SLMAP: variants seen among roughly 807,000 people sequenced by gnomAD.
SLMAP encodes sarcolemmal membrane-associated protein.
A neutral mutation model predicts 128.8 loss-of-function variants in SLMAP; 44 were observed. The ratio of observed to expected loss-of-function variants is 0.34; its 90% CI spans 0.27 to 0.44. The LOEUF (loss-of-function observed/expected upper bound fraction) is 0.44. Ranked by LOEUF, SLMAP falls within the 20% of genes least tolerant of loss-of-function variation. The probability of loss-of-function intolerance (pLI) is 1.00; values close to 1 mark genes in which losing one functional copy is unlikely to be tolerated. For synonymous variants in SLMAP, 327 were observed against 348.8 expected, an observed-to-expected ratio of 0.94 and a Z score of 0.70; for missense variants, 787 against 985.3, an observed-to-expected ratio of 0.80 and a Z score of 2.69.
intron 13 of SLMAP, among the ~76,000 whole-genome samples, chr3:57,866,100 G>C (rs2095293853): frequency 6.6e-6 from 1 of 152,108 alleles, no homozygotes; most frequent in South Asian, 2.1e-4. Context: ...TTGATACCCA[G>C]AACTTATTAA....
Position 57,906,310 on chromosome 3 carries a change from CTTTTTTT to C in SLMAP, c.1502-1558_1502-1552del, listed in dbSNP as rs999042505. On this transcript the variant is annotated intron_variant, in intron 17 of 24. Coordinates refer to ENST00000671191, the MANE Select transcript of SLMAP (RefSeq NM_001377540.1). ...GAATCAAATTTTTTTCTTTTTTTTT[CTTTTTTT>C]TTTTTTTTTTTTTTTAGAGACACAG... is the stretch of plus-strand genomic sequence containing the variant. 5.1e-4 allele frequency among the ~76,000 whole-genome samples: 24 copies of C among 47,030 alleles called. 1 individual carries two copies. The highest frequency in any genetic ancestry group is 1.8e-3 in the South Asian group (2 of 1,088). The allele number at this position is 47,030 out of a possible 152,430, so 30.9% of individuals were successfully genotyped here. A position where few individuals can be genotyped will look rare whatever the true frequency, so the allele number is the denominator to read the frequency against.
rs1196163044 is a variant in SLMAP, at chr3:57,917,024, T to C, written c.2257T>C (p.Leu753=). The change falls in exon 22 of 25, where the codon TTA becomes CTA. Residue 753 remains leucine (L), a synonymous_variant. Transcript: ENST00000671191. ...KEQHLRDSAD[L]KTLLSKAENQ... ...ACAGCATCTTCGGGATTCAGCTGAT[T>C]TAAAAACTCTTCTCAGTAAGGCAGA... The C allele has an allele frequency of 2.5e-6, 4 of 1,613,792 alleles. No individual in the cohort carries two copies. The highest frequency in any genetic ancestry group is 2.2e-5 in the South Asian group (2 of 91,076).
intron 2 of SLMAP, among the ~76,000 whole-genome samples, chr3:57,829,866 AACAT>A (rs1294872042): frequency 3.3e-5 from 5 of 152,178 alleles, no homozygotes; most frequent in Non-Finnish European, 5.9e-5. Flanking sequence ...GGATAAATGA[AACAT>A]AAAGTCTGTG....
At chr3:57,883,737 GGTTT>G in intron 14 of SLMAP, among the ~76,000 whole-genome samples, 1 of 152,020 alleles carries the variant, frequency 6.6e-6, no homozygotes, top group South Asian at 2.1e-4. Flanking sequence ...AAGAGATATG[GGTTT>G]CCACTTTCTC....
chr3:57,826,924 C>T (rs952695566), intron 2 of SLMAP, among the ~76,000 whole-genome samples: 5 of 152,128 alleles, frequency 3.3e-5, no homozygotes, highest in Admixed American at 2.6e-4. Flanking sequence ...TGGTGGTCTT[C>T]CCCACTCTTA....
chr3:57,894,630 G>A (rs945464368), intron 15 of SLMAP, among the ~76,000 whole-genome samples: 21 of 152,144 alleles, frequency 1.4e-4, no homozygotes, highest in African/African-American at 3.9e-4. Context: ...ATTAATTGAG[G>A]AAACAAAAGA....
intron 19 of SLMAP, among the ~76,000 whole-genome samples, chr3:57,910,641 T>G (rs2096672169): frequency 6.6e-6 from 1 of 152,208 alleles, no homozygotes; most frequent in Admixed American, 6.5e-5. Context: ...TGTCGAATGT[T>G]TACTTCAAGC....
intron 6 of SLMAP, 47 bp from the exon 7 acceptor site, chr3:57,857,686 A>G: frequency 8.0e-7 from 1 of 1,251,308 alleles, no homozygotes; most frequent in Non-Finnish European, 1.2e-6. Flanking sequence ...TCCTCAAAAG[A>G]ATCATGATGA....
intron 3 of SLMAP, among the ~76,000 whole-genome samples, chr3:57,833,535 T>C (rs1477749813): frequency 6.6e-6 from 1 of 151,974 alleles, no homozygotes; most frequent in Non-Finnish European, 1.5e-5. Context: ...TTCTCCTGCC[T>C]CAGCCTCTCG....
chr3:57,868,814 A>ATATATATATAAAATATATATATGTGTAT (rs2095379413), intron 13 of SLMAP, among the ~76,000 whole-genome samples: 5 of 127,778 alleles, frequency 3.9e-5, no homozygotes, highest in Non-Finnish European at 8.2e-5. Flanking sequence ...ATATATATAT[A>ATATATATATAAAATATATATATGTGTAT]TATATATAAA....
rs777858277 is a variant in SLMAP at position 57,871,658 on chromosome 3, C to A, written c.1260C>A (p.Gly420=). 1.9e-6 allele frequency: 3 copies of A among 1,612,518 alleles called. No individual in the cohort carries two copies. In the East Asian group the frequency reaches 6.7e-5, roughly 36 times the overall value. ...TEKEHLLSKS[G]GDCTFIHQFI... Reference sequence around the variant, plus strand: ...TAGAGCACTTGCTTTCAAAGAGTGGCGGGGACTGCACTTTTATTCATCAAT... The same window carrying A: ...TAGAGCACTTGCTTTCAAAGAGTGGAGGGGACTGCACTTTTATTCATCAAT... The change falls in exon 14 of 25, where the codon GGC becomes GGA. Residue 420 remains glycine, a synonymous_variant. Coordinates refer to ENST00000671191, the MANE Select transcript of SLMAP (RefSeq NM_001377540.1).
intron 2 of SLMAP, among the ~76,000 whole-genome samples, chr3:57,805,680 C>T (rs550964383): frequency 6.6e-6 from 1 of 152,236 alleles, no homozygotes. Context: ...TATGTCCCTG[C>T]CTAAACCCTA....
chr3:57,861,601 T>C (rs1445025424), intron 9 of SLMAP, among the ~76,000 whole-genome samples: 1 of 152,192 alleles, frequency 6.6e-6, no homozygotes, highest in Non-Finnish European at 1.5e-5. Flanking sequence ...CTGGATATTA[T>C]TAAACTTGCT....
chr3:57,763,948 A>G (rs1559899784), intron 2 of SLMAP, among the ~76,000 whole-genome samples: 1 of 152,166 alleles, frequency 6.6e-6, no homozygotes, highest in Non-Finnish European at 1.5e-5. Context: ...GAGTTCTTTG[A>G]AGAGTAGCCA....
chr3:57,870,443 G>C (rs1380077702), intron 13 of SLMAP, among the ~76,000 whole-genome samples: 1 of 151,972 alleles, frequency 6.6e-6, no homozygotes, highest in East Asian at 1.9e-4. Flanking sequence ...GGTATGTAGT[G>C]CATTGGTCTC....
chr3:57,766,506 C>G (rs943678732), intron 2 of SLMAP, among the ~76,000 whole-genome samples: 2 of 152,148 alleles, frequency 1.3e-5, no homozygotes, highest in African/African-American at 2.4e-5. Context: ...CTGAAACGTT[C>G]TAAGTTTACA....
At chr3:57,914,561 TATCTC>T (rs1021370709) in intron 21 of SLMAP, among the ~76,000 whole-genome samples, 2 of 151,984 alleles carry the variant, frequency 1.3e-5, no homozygotes, top group African/African-American at 2.4e-5. Context: ...GATCTATACA[TATCTC>T]ATATATAGCT....
chr3:57,807,186 A>G (rs1027546622), intron 2 of SLMAP, among the ~76,000 whole-genome samples: 28 of 152,156 alleles, frequency 1.8e-4, no homozygotes, highest in African/African-American at 6.3e-4. Context: ...GTCTGTTCAT[A>G]TCCTTTGCCT....
intron 2 of SLMAP, among the ~76,000 whole-genome samples, chr3:57,764,309 C>G (rs1014767709): frequency 6.6e-6 from 1 of 152,002 alleles, no homozygotes; most frequent in African/African-American, 2.4e-5. Flanking sequence ...TGAGACCAGC[C>G]TGGCCAACAT....
Sources: allele counts gnomAD v4.1 joint callset (sites outside exome capture counted in the v4.1 genomes callset), GRCh38; gene constraint gnomAD v4.1.1; transcripts MANE v1.5; gene names NCBI Gene and HGNC (gene_info 2026-07-23, HGNC 2026-07-21).